Variants in ARPP21 observed in about 807,000 individuals in gnomAD.
ARPP21 encodes the protein cAMP regulated phosphoprotein 21.
ARPP21 carries 69 observed loss-of-function variants against 113.2 expected under a neutral mutation model. The ratio of observed to expected loss-of-function variants is 0.61; its 90% CI spans 0.50 to 0.74. ARPP21 has a LOEUF of 0.74. Among genes scored for constraint, ARPP21 ranks in the 30% least tolerant of loss-of-function variants. The pLI is 0.00. For missense variants in ARPP21, 1,070 were observed against 1,037.4 expected, an observed-to-expected ratio of 1.03 and a Z score of -0.43; for synonymous variants, 368 against 375.5, an observed-to-expected ratio of 0.98 and a Z score of 0.23.
At chr3:35,787,065 G>C (rs182094301) in intron 19 of ARPP21, among the ~76,000 whole-genome samples, 1 of 152,178 alleles carries the variant, frequency 6.6e-6, no homozygotes, top group South Asian at 2.1e-4. Context: ...AAAATCCATA[G>C]TGTTCACAGA....
At chr3:35,676,680 A>T in intron 1 of ARPP21, among the ~76,000 whole-genome samples, 1 of 152,004 alleles carries the variant, frequency 6.6e-6, no homozygotes, top group East Asian at 2.0e-4. Flanking sequence ...TCTCATTGAT[A>T]TTTTTGATCA....
chr3:35,706,614 C>T (rs1278279973), intron 9 of ARPP21, among the ~76,000 whole-genome samples: 1 of 152,212 alleles, frequency 6.6e-6, no homozygotes, highest in Non-Finnish European at 1.5e-5. Flanking sequence ...AAGTTCTAAA[C>T]ATGTATATTT....
intron 1 of ARPP21, among the ~76,000 whole-genome samples, chr3:35,675,709 G>A (rs1412456303): frequency 3.3e-5 from 5 of 151,806 alleles, no homozygotes; most frequent in Non-Finnish European, 7.4e-5. Flanking sequence ...TCTGAACATT[G>A]CATTTTCTCT....
intron 13 of ARPP21, among the ~76,000 whole-genome samples, chr3:35,719,117 T>A (rs891216209): frequency 6.6e-6 from 1 of 151,816 alleles, no homozygotes; most frequent in African/African-American, 2.4e-5. Context: ...AGACTGGGCT[T>A]AGGAGAGAAG....
chr3:35,748,265 A>C (rs1185974335), intron 19 of ARPP21, among the ~76,000 whole-genome samples: 1 of 147,232 alleles, frequency 6.8e-6, no homozygotes, highest in Non-Finnish European at 1.5e-5. Flanking sequence ...GAGAAAGGAG[A>C]GAGAGAAAGA....
intron 9 of ARPP21, 43 bp downstream of exon 9, chr3:35,691,048 C>G (rs1362878099): frequency 6.4e-7 from 1 of 1,565,508 alleles, no homozygotes; most frequent in African/African-American, 1.4e-5. Context: ...TCTTTTTCTC[C>G]TATGGATTCA....
intron 19 of ARPP21, among the ~76,000 whole-genome samples, chr3:35,786,483 GC>G (rs1343234904): frequency 6.7e-6 from 1 of 149,408 alleles, no homozygotes; most frequent in African/African-American, 2.5e-5. Flanking sequence ...AACTGAGATT[GC>G]ACCACTGCAC....
chr3:35,783,272 G>C (rs1006268566), intron 19 of ARPP21, among the ~76,000 whole-genome samples: 8 of 152,010 alleles, frequency 5.3e-5, no homozygotes, highest in African/African-American at 1.9e-4. Flanking sequence ...ATGCCTTTAA[G>C]ACAGGCTGTT....
chr3:35,730,282 T>G (rs1325174273), intron 15 of ARPP21, among the ~76,000 whole-genome samples: 1 of 152,220 alleles, frequency 6.6e-6, no homozygotes, highest in Non-Finnish European at 1.5e-5. Flanking sequence ...GCCAATGAAC[T>G]CAGGAACATC....
Position 35,647,520 on chromosome 3 carries a change from C to T in ARPP21, c.-213+7122C>T, listed in dbSNP as rs529559271. Among the ~76,000 whole-genome samples the T allele has an allele frequency of 2.6e-5, 4 of 152,138 alleles. No individual in the cohort carries two copies. The South Asian group carries it at 8.3e-4, about 32-fold the overall frequency. ...ATGAAGGAAGGCTTTACCAAGGAGG[C>T]GCATGGCCCTCCACGAGATTCTACA... On this transcript the variant is annotated intron_variant, in intron 1 of 20. Coordinates refer to ENST00000684406, the MANE Select transcript of ARPP21 (RefSeq NM_001385562.1).
chr3:35,655,814 A>G (rs1704585368), intron 1 of ARPP21, among the ~76,000 whole-genome samples: 1 of 152,076 alleles, frequency 6.6e-6, no homozygotes, highest in African/African-American at 2.4e-5. Context: ...AAAACATCAT[A>G]TACATGAGAA....
chr3:35,706,670 A>G (rs2089224368), intron 9 of ARPP21, among the ~76,000 whole-genome samples: 1 of 152,228 alleles, frequency 6.6e-6, no homozygotes, highest in African/African-American at 2.4e-5. Flanking sequence ...GGAGTAATAG[A>G]GGTCAAAATA....
intron 5 of ARPP21, chr3:35,685,091 T>A (rs1317458541): frequency 3.0e-6 from 3 of 985,224 alleles, no homozygotes; most frequent in African/African-American, 1.7e-5. Flanking sequence ...CTGGGAGAAG[T>A]AATGCCCCAG....
At chr3:35,736,170 T>C (rs1030902698) in intron 15 of ARPP21, among the ~76,000 whole-genome samples, 1 of 152,186 alleles carries the variant, frequency 6.6e-6, no homozygotes, top group Admixed American at 6.5e-5. Flanking sequence ...GACTCCTAAT[T>C]TCTTTAGAGT....
At chr3:35,711,764 T>G (rs2150091339) in intron 11 of ARPP21, among the ~76,000 whole-genome samples, 1 of 152,290 alleles carries the variant, frequency 6.6e-6, no homozygotes, top group South Asian at 2.1e-4. Context: ...TCTCAGTTCC[T>G]TACAATGTAG....
At chr3:35,710,512 TTC>T (rs986578779) in intron 11 of ARPP21, among the ~76,000 whole-genome samples, 2 of 148,334 alleles carry the variant, frequency 1.3e-5, no homozygotes, top group Admixed American at 6.8e-5. Flanking sequence ...TTTGTTCTTA[TTC>T]TCTCTCTCTT....
chr3:35,731,036 A>G (rs2093921199), intron 15 of ARPP21, among the ~76,000 whole-genome samples: 1 of 152,218 alleles, frequency 6.6e-6, no homozygotes, highest in African/African-American at 2.4e-5. Flanking sequence ...TACTTTGGGC[A>G]CTAATCAAAG....
intron 6 of ARPP21, 84 bp from the exon 7 acceptor site, chr3:35,689,223 G>A (rs1417444643): frequency 4.0e-6 from 3 of 750,776 alleles, no homozygotes; most frequent in Non-Finnish European, 7.3e-6. Context: ...CTGAGCAGGG[G>A]GAAACAGGAT....
intron 19 of ARPP21, among the ~76,000 whole-genome samples, chr3:35,758,776 A>G (rs1417601186): frequency 6.6e-6 from 1 of 151,932 alleles, no homozygotes; most frequent in Non-Finnish European, 1.5e-5. Flanking sequence ...CAGCTGTGGA[A>G]TGGTCATTTT....
Sources: gnomAD v4.1 joint callset for allele counts (sites outside exome capture counted in the v4.1 genomes callset) on GRCh38, gnomAD v4.1.1 for gene constraint, MANE v1.5 for transcripts, NCBI Gene and HGNC (gene_info 2026-07-23, HGNC 2026-07-21) for gene names.